Variants in DOCK11 observed in about 807,000 individuals in gnomAD.
DOCK11 encodes the protein dedicator of cytokinesis 11.
In DOCK11, 70 loss-of-function variants were observed where a neutral mutation model predicts 169.1. The observed-to-expected ratio is 0.41, with a 90% CI of 0.34 to 0.51. DOCK11 has a LOEUF of 0.51. DOCK11 is among the 20% of genes least tolerant of loss of function. The probability of loss-of-function intolerance (pLI) is 0.10; values close to 1 mark genes in which losing one functional copy is unlikely to be tolerated. For synonymous variants in DOCK11, 529 were observed against 541.3 expected, an observed-to-expected ratio of 0.98 and a Z score of 0.32; for missense variants, 1,166 against 1,538.8, an observed-to-expected ratio of 0.76 and a Z score of 4.05.
intron 44 of DOCK11, among the ~76,000 whole-genome samples, chrX:118,659,363 C>A (rs900557235): frequency 8.9e-5 from 10 of 112,016 alleles, no homozygotes; most frequent in Middle Eastern, 4.2e-3. Context: ...GCAGACTCTC[C>A]AGGACCACCT....
At chrX:118,607,680 G>T (rs1488980437) in intron 24 of DOCK11, among the ~76,000 whole-genome samples, 1 of 111,299 alleles carries the variant, frequency 9.0e-6, no homozygotes, top group African/African-American at 3.3e-5. Flanking sequence ...AAAGTGCTGG[G>T]ATTCAGCCTT....
chrX:118,649,192 T>G (rs1425442375), intron 41 of DOCK11, 65 bp downstream of exon 41: 1 of 974,676 alleles, frequency 1.0e-6, no homozygotes, highest in Non-Finnish European at 1.4e-6. Flanking sequence ...TAGATCAAGA[T>G]CCAGAGCCAC....
chrX:118,576,705 C>T (rs1411823709), intron 12 of DOCK11, among the ~76,000 whole-genome samples: 2 of 112,523 alleles, frequency 1.8e-5, no homozygotes, highest in Non-Finnish European at 3.8e-5. Flanking sequence ...CAAGTGAAAA[C>T]AGCAAGCTTT....
At chrX:118,648,604 TTAATATA>T (rs1435832835) in intron 40 of DOCK11, among the ~76,000 whole-genome samples, 2 of 94,304 alleles carry the variant, frequency 2.1e-5, no homozygotes, top group Non-Finnish European at 4.2e-5. Context: ...ATATAATATA[TTAATATA>T]TAATATATAA....
Position 118,578,606 on chromosome X carries a change from C to T in DOCK11, c.1471C>T (p.His491Tyr), listed in dbSNP as rs2013527883. The T allele has an allele frequency of 8.3e-7, 1 of 1,207,637 alleles. No individual in the cohort carries two copies. ...AAAGGTACTACAGGGAAACATTACACACTGTGCAGAACCCTATATCAAAAA... is the reference window on the plus strand; with the variant it reads ...AAAGGTACTACAGGGAAACATTACATACTGTGCAGAACCCTATATCAAAAA... Reference protein sequence around the residue: ...IEKVLQGNITHCAEPYIKNSD... With the variant: ...IEKVLQGNITYCAEPYIKNSD... The change falls in exon 13 of 53, where the codon CAC (histidine) becomes TAC (tyrosine). Residue 491 changes from histidine to tyrosine, a missense_variant. Coordinates refer to ENST00000276202, the MANE Select transcript of DOCK11 (RefSeq NM_144658.4).
At chrX:118,615,985 G>C (rs748290678) in intron 30 of DOCK11, among the ~76,000 whole-genome samples, 1 of 111,747 alleles carries the variant, frequency 8.9e-6, no homozygotes, top group African/African-American at 3.2e-5. Flanking sequence ...TTGGGATCTT[G>C]TATGAGACTA....
At chrX:118,543,655 A>G (rs2012120037) in intron 4 of DOCK11, 62 bp downstream of exon 4, 1 of 1,016,280 alleles carries the variant, frequency 9.8e-7, no homozygotes, top group Non-Finnish European at 1.4e-6. Flanking sequence ...TTACCTTGTT[A>G]AAACCACTTG....
At chrX:118,681,292 CTT>C in intron 50 of DOCK11, 44 bp downstream of exon 50, 1 of 1,088,208 alleles carries the variant, frequency 9.2e-7, no homozygotes, top group Non-Finnish European at 1.2e-6. Context: ...CTTGATGTTT[CTT>C]TTGGTTTTAT....
chrX:118,588,297 C>T lies in DOCK11; in HGVS notation c.1956C>T (p.Tyr652=), dbSNP rs557084723. The T allele has an allele frequency of 3.4e-5, 40 of 1,174,864 alleles. No homozygotes were observed. The highest frequency in any genetic ancestry group is 4.8e-4 in the Middle Eastern group (2 of 4,202). The change falls in exon 17 of 53, where the codon TAC becomes TAT. Residue 652 remains tyrosine, a synonymous_variant. Coordinates refer to ENST00000276202, the MANE Select transcript of DOCK11 (RefSeq NM_144658.4). ...ATGTATATCCCCTGCAATTAAAATA[C>T]GATAGCCAGAAAACATTTGCCAAGG... is the stretch of plus-strand genomic sequence containing the variant. ...HLYVYPLQLK[Y]DSQKTFAKAR... is the part of the protein sequence containing the mutation.
At chrX:118,625,159 G>T (rs755126160) in intron 32 of DOCK11, among the ~76,000 whole-genome samples, 169 of 97,838 alleles carry the variant, frequency 1.7e-3, no homozygotes, top group African/African-American at 5.9e-3. Context: ...GTTAAAACAG[G>T]TTTTTTTTTT....
intron 1 of DOCK11, among the ~76,000 whole-genome samples, chrX:118,535,357 T>G (rs2011716478): frequency 9.0e-6 from 1 of 111,651 alleles, no homozygotes; most frequent in Admixed American, 9.5e-5. Flanking sequence ...AAATAACCTC[T>G]CACAGGATTT....
chrX:118,590,350 C>A, intron 19 of DOCK11, 48 bp downstream of exon 19: 2 of 984,077 alleles, frequency 2.0e-6, no homozygotes, highest in South Asian at 4.1e-5. Flanking sequence ...GGTTGGAATT[C>A]TTTTTCTCTT....
chrX:118,647,754 T>TTAATATAATATA (rs752246108), intron 40 of DOCK11, among the ~76,000 whole-genome samples: 1 of 43,687 alleles, frequency 2.3e-5, no homozygotes, highest in African/African-American at 1.3e-4. Flanking sequence ...TATATAATAA[T>TTAATATAATATA]ATATAATATA....
At chrX:118,512,103 T>C (rs1267876832) in intron 1 of DOCK11, among the ~76,000 whole-genome samples, 1 of 111,601 alleles carries the variant, frequency 9.0e-6, no homozygotes, top group African/African-American at 3.3e-5. Context: ...GGTTTCACCG[T>C]GTTGCCCAGG....
intron 20 of DOCK11, among the ~76,000 whole-genome samples, chrX:118,597,228 T>C (rs1393293265): frequency 1.8e-5 from 2 of 111,514 alleles, no homozygotes; most frequent in Non-Finnish European, 3.8e-5. Flanking sequence ...ATAGAGTACA[T>C]AACTTGTTAG....
intron 28 of DOCK11, among the ~76,000 whole-genome samples, chrX:118,611,713 G>A (rs1212861155): frequency 8.9e-6 from 1 of 112,339 alleles, no homozygotes; most frequent in African/African-American, 3.2e-5. Flanking sequence ...AAGTGGCAGT[G>A]AGAGAATGTA....
chrX:118,615,248 T>A (rs1433564310), intron 29 of DOCK11, among the ~76,000 whole-genome samples: 1 of 112,157 alleles, frequency 8.9e-6, no homozygotes, highest in African/African-American at 3.2e-5. Context: ...GGGCTGATTA[T>A]GTGTTGGAGG....
At chrX:118,519,671 A>G (rs766663372) in intron 1 of DOCK11, among the ~76,000 whole-genome samples, 2 of 112,462 alleles carry the variant, frequency 1.8e-5, no homozygotes, top group East Asian at 5.6e-4. Context: ...ACTTTGGAGC[A>G]GCTGTGTTTC....
At chrX:118,496,116 G>C (rs2057534774) in intron 1 of DOCK11, 43 bp downstream of exon 1, 1 of 907,830 alleles carries the variant, frequency 1.1e-6, no homozygotes, top group East Asian at 4.5e-5. Context: ...ACGCGCTCCA[G>C]GCGGGAGCGA....
Sources: allele counts gnomAD v4.1 joint callset (sites outside exome capture counted in the v4.1 genomes callset), GRCh38; gene constraint gnomAD v4.1.1; transcripts MANE v1.5; gene names NCBI Gene and HGNC (gene_info 2026-07-23, HGNC 2026-07-21).